C17orf99: variants seen among roughly 807,000 people sequenced by gnomAD.
C17orf99 encodes protein IL-40.
A neutral mutation model predicts 22.6 loss-of-function variants in C17orf99; 18 were observed. The ratio of observed to expected loss-of-function variants is 0.80; its 90% CI spans 0.55 to 1.18. The LOEUF is 1.18. Ranked by LOEUF, C17orf99 falls within the 50% of genes most tolerant of loss-of-function variation. C17orf99 has a pLI of 0.00. For missense variants in C17orf99, 328 were observed against 342.7 expected (o/e 0.96, Z 0.34); for synonymous variants, 147 against 136.6 (o/e 1.08, Z -0.53).
Position 78,150,065 on chromosome 17 carries a change from G to A in C17orf99, c.70+3154G>A, listed in dbSNP as rs2075469247. ...GCCATGTTGCCCAGGTTGGAATGCA[G>A]TGGCACAAACTCGGCTCACTGCAAC... On this transcript the variant is annotated intron_variant, in intron 2 of 4. Transcript: ENST00000340363. Among the ~76,000 whole-genome samples the A allele has an allele frequency of 3.3e-5, 5 of 150,488 alleles. No individual in the cohort carries two copies. The South Asian group carries it at 1.0e-3, about 31-fold the overall frequency.
At chr17:78,163,978 AG>A (rs1346545153) in intron 3 of C17orf99, 116 bp from the exon 4 acceptor site, 2 of 877,954 alleles carry the variant, frequency 2.3e-6, no homozygotes, top group African/African-American at 3.3e-5. Context: ...GGCGGCCTGG[AG>A]GAGGCGGCAG....
Position 78,160,940 on chromosome 17 carries a change from C to G in C17orf99, c.71-15C>G. 2 of 1,544,600 alleles carry G rather than the reference C, an allele frequency of 1.3e-6. No homozygotes were observed. Among genetic ancestry groups the G allele is most frequent in the Non-Finnish European group, 1.8e-6 (2 of 1,141,704 alleles). On this transcript the variant is annotated splice_polypyrimidine_tract_variant and intron_variant, in intron 2 of 4. Transcript: ENST00000340363. ...TCGGTTTCTTTCTTCCTCCTTGGAC[C>G]TTTTCATCTCCCAGAAATTACCCCT... is the stretch of plus-strand genomic sequence containing the variant.
intron 2 of C17orf99, among the ~76,000 whole-genome samples, chr17:78,152,838 T>C (rs1456252716): frequency 6.6e-6 from 1 of 151,840 alleles, no homozygotes; most frequent in Non-Finnish European, 1.5e-5. Context: ...TCCCAGCACT[T>C]TGGAAGGCTG....
chr17:78,154,600 T>TA (rs1555597385), intron 2 of C17orf99, among the ~76,000 whole-genome samples: 4 of 148,870 alleles, frequency 2.7e-5, no homozygotes, highest in African/African-American at 1.0e-4. Flanking sequence ...CCCAGCACTT[T>TA]GGGGGGCTGA....
intron 2 of C17orf99, among the ~76,000 whole-genome samples, chr17:78,153,092 T>C (rs895456241): frequency 7.5e-6 from 1 of 133,756 alleles, no homozygotes; most frequent in Non-Finnish European, 1.6e-5. Flanking sequence ...AAGAAAAAAA[T>C]AAATTAAAAA....
chr17:78,157,974 A>T, intron 2 of C17orf99: 1 of 1,250,738 alleles, frequency 8.0e-7, no homozygotes, highest in African/African-American at 1.5e-5. Context: ...CTGTCAACTC[A>T]TAACATGGAT....
intron 2 of C17orf99, among the ~76,000 whole-genome samples, chr17:78,151,468 A>C (rs1426814254): frequency 6.6e-6 from 1 of 151,412 alleles, no homozygotes; most frequent in East Asian, 1.9e-4. Flanking sequence ...AAGACAACCA[A>C]AAAACAACAC....
At chr17:78,160,615 C>T (rs1331494766) in intron 2 of C17orf99, among the ~76,000 whole-genome samples, 4 of 151,640 alleles carry the variant, frequency 2.6e-5, no homozygotes, top group East Asian at 1.9e-4. Context: ...CTCCCTCTGT[C>T]GCCCAGGCTG....
intron 2 of C17orf99, among the ~76,000 whole-genome samples, chr17:78,154,710 C>T (rs572292462): frequency 1.3e-5 from 2 of 151,904 alleles, no homozygotes; most frequent in South Asian, 2.1e-4. Context: ...GGCATGGTGA[C>T]GCATGCCTGT....
At chr17:78,159,245 G>C (rs888178241) in intron 2 of C17orf99, 1 of 152,374 alleles carries the variant, frequency 6.6e-6, no homozygotes, top group African/African-American at 2.4e-5. Flanking sequence ...GCTGAGACAG[G>C]AGAATCGCTT....
At position 78,157,446 on chromosome 17, in the gene C17orf99, G is replaced by A. The variant is rs527342863; in HGVS notation, c.71-3509G>A. ...TAAAATGGCAGATGATTTGGACTTC[G>A]AGACAGGAGATGCAGGGCCTCAGCG... On this transcript the variant is annotated intron_variant, in intron 2 of 4. Coordinates refer to ENST00000340363, the MANE Select transcript of C17orf99 (RefSeq NM_001163075.2). 30 of 1,305,926 alleles carry A rather than the reference G, an allele frequency of 2.3e-5. No homozygotes were observed. In the East Asian group the frequency reaches 2.8e-4, roughly 12 times the overall value. 80.9% of individuals were successfully genotyped at this position (1,305,926 alleles called of 1,614,324 possible). A position where few individuals can be genotyped will look rare whatever the true frequency, so the allele number is the denominator to read the frequency against.
rs372691246 is a variant in C17orf99 at position 78,157,679 on chromosome 17, C to G, written c.71-3276C>G. 3.3e-3 allele frequency: 1,436 copies of G among 435,226 alleles called. 32 individuals are homozygous for G. The highest frequency in any genetic ancestry group is 0.027 in the African/African-American group (1,298 of 48,718). 27.0% of individuals were successfully genotyped at this position (435,226 alleles called of 1,614,324 possible). A position where few individuals can be genotyped will look rare whatever the true frequency, so the allele number is the denominator to read the frequency against. On this transcript the variant is annotated intron_variant, in intron 2 of 4. Transcript: ENST00000340363. ...GGGCGTGGTGGCGGGCGCCTGTAGT[C>G]CCAGCTACTCTGGAGGCTGAGGCAG... is the stretch of plus-strand genomic sequence containing the variant.
chr17:78,146,011 C>T (rs1401546439), upstream of C17orf99, among the ~76,000 whole-genome samples: 1 of 152,136 alleles, frequency 6.6e-6, no homozygotes, highest in Non-Finnish European at 1.5e-5. This position sits in a 1 kb window ranked among gnomAD's most constrained non-coding sequence, Gnocchi z 5.2. Context: ...TGGTCTCGAA[C>T]TCCTGACCTC....
intron 2 of C17orf99, chr17:78,158,326 G>A (rs1383966029): frequency 1.4e-5 from 5 of 359,708 alleles, no homozygotes; most frequent in Non-Finnish European, 2.7e-5. Context: ...ATGGATTCTC[G>A]CCCTGTCGCC....
chr17:78,147,211 C>A (rs1228362664), intron 2 of C17orf99, among the ~76,000 whole-genome samples: 1 of 152,180 alleles, frequency 6.6e-6, no homozygotes, highest in Non-Finnish European at 1.5e-5. Flanking sequence ...GGTGCATCCT[C>A]ATCACTCTGC....
At chr17:78,162,046 C>A (rs1415574647) in intron 3 of C17orf99, among the ~76,000 whole-genome samples, 1 of 151,570 alleles carries the variant, frequency 6.6e-6, no homozygotes, top group Non-Finnish European at 1.5e-5. Flanking sequence ...GAGGCCCAGG[C>A]GGGAGGATCA....
upstream of C17orf99, chr17:78,146,306 G>T (rs1392800624): frequency 2.7e-6 from 3 of 1,093,888 alleles, no homozygotes; most frequent in Non-Finnish European, 3.9e-6. The surrounding 1 kb of genome is among the most constrained non-coding windows in gnomAD (Gnocchi z 5.2). Flanking sequence ...TCTCCCCACT[G>T]CAGGCACCCA....
chr17:78,159,823 C>T (rs1161223649), intron 2 of C17orf99, among the ~76,000 whole-genome samples: 1 of 152,166 alleles, frequency 6.6e-6, no homozygotes, highest in African/African-American at 2.4e-5. Flanking sequence ...ATCATGCAAC[C>T]GTTGCCCTTT....
Position 78,162,273 on chromosome 17 carries a change from C to CAAA in C17orf99, c.370+1037_370+1039dup, listed in dbSNP as rs35349689. 3.0e-3 allele frequency among the ~76,000 whole-genome samples: 279 copies of CAAA among 93,424 alleles called. 1 individual carries two copies. Among genetic ancestry groups the CAAA allele is most frequent in the African/African-American group, 8.8e-3 (206 of 23,470 alleles). 61.3% of individuals were successfully genotyped at this position (93,424 alleles called of 152,430 possible). A position where few individuals can be genotyped will look rare whatever the true frequency, so the allele number is the denominator to read the frequency against. On this transcript the variant is annotated intron_variant, in intron 3 of 4. Coordinates refer to ENST00000340363, the MANE Select transcript of C17orf99 (RefSeq NM_001163075.2). Reference sequence around the variant, plus strand: ...CCTGGGTGACAGCGTAAGACTATCTCAAAAAAAAAAAAAAAAAAAAGTCGC... The same window carrying CAAA: ...CCTGGGTGACAGCGTAAGACTATCTCAAAAAAAAAAAAAAAAAAAAAAAGTCGC...
Sources: gnomAD v4.1 joint callset for allele counts (sites outside exome capture counted in the v4.1 genomes callset) on GRCh38, gnomAD v4.1.1 for gene constraint, Gnocchi (gnomAD v3.1) non-coding constraint, MANE v1.5 for transcripts, NCBI Gene and HGNC (gene_info 2026-07-23, HGNC 2026-07-21) for gene names.